The following EXOC2 variants were observed in gnomAD, a reference collection of about 807,000 sequenced individuals.
The protein encoded by EXOC2 is SEC5-like 1.
Under a neutral mutation model 131.8 loss-of-function variants are expected in EXOC2, and 70 were observed. That is an observed-to-expected ratio of 0.53 (90% CI 0.44 to 0.65). EXOC2 has a LOEUF of 0.65. Among genes scored for constraint, EXOC2 ranks in the 30% least tolerant of loss-of-function variants. The probability of loss-of-function intolerance (pLI) is 0.00; values close to 1 mark genes in which losing one functional copy is unlikely to be tolerated. For missense variants in EXOC2, 923 were observed against 1,108.6 expected, an observed-to-expected ratio of 0.83 and a Z score of 2.38; for synonymous variants, 411 against 398.4, an observed-to-expected ratio of 1.03 and a Z score of -0.38.
At chr6:658,667 T>TTTTTTTTTTATATATATATATATATA (rs1763269831) in intron 1 of EXOC2, among the ~76,000 whole-genome samples, 1 of 65,202 alleles carries the variant, frequency 1.5e-5, no homozygotes, top group Non-Finnish European at 3.4e-5. Flanking sequence ...ATATATATAT[T>TTTTTTTTTTATATATATATATATATA]TTTTTTTTTT....
At chr6:625,763 G>A (rs1761533232) in intron 4 of EXOC2, among the ~76,000 whole-genome samples, 1 of 152,026 alleles carries the variant, frequency 6.6e-6, no homozygotes, top group Admixed American at 6.5e-5. Flanking sequence ...AGAAAATCAG[G>A]TTTGCATCGC....
chr6:516,224 G>A (rs1257130790), intron 23 of EXOC2, among the ~76,000 whole-genome samples: 1 of 152,192 alleles, frequency 6.6e-6, no homozygotes, highest in Non-Finnish European at 1.5e-5. Context: ...TGTTCTAGCA[G>A]GCCATCTTTG....
chr6:681,060 G>A (rs944555067), intron 1 of EXOC2, among the ~76,000 whole-genome samples: 2 of 152,204 alleles, frequency 1.3e-5, no homozygotes, highest in African/African-American at 4.8e-5. Context: ...TGTTTCACAG[G>A]ACAGATGCCA....
chr6:621,491 C>A (rs1027138587), intron 4 of EXOC2, among the ~76,000 whole-genome samples: 2 of 152,228 alleles, frequency 1.3e-5, no homozygotes, highest in South Asian at 2.1e-4. Flanking sequence ...ATGCCTACTG[C>A]GTGAGCATCT....
chr6:617,929 C>G, intron 5 of EXOC2, 94 bp from the exon 6 acceptor site: 1 of 1,415,520 alleles, frequency 7.1e-7, no homozygotes, highest in Non-Finnish European at 9.5e-7. Flanking sequence ...TATGCTAAAA[C>G]CGATGCTAAG....
At chr6:572,344 G>C (rs1424937990) in intron 13 of EXOC2, among the ~76,000 whole-genome samples, 176 bp downstream of exon 13, 2 of 152,158 alleles carry the variant, frequency 1.3e-5, no homozygotes, top group Admixed American at 6.5e-5. Context: ...TGACTTGTTC[G>C]AGGTCACACA....
chr6:532,218 G>A (rs941336541), intron 23 of EXOC2, among the ~76,000 whole-genome samples: 4 of 152,154 alleles, frequency 2.6e-5, no homozygotes, highest in South Asian at 4.2e-4. Context: ...TTACTAAAAC[G>A]ATCAATTATT....
intron 23 of EXOC2, among the ~76,000 whole-genome samples, chr6:501,718 A>G (rs564574737): frequency 1.3e-3 from 183 of 136,456 alleles, no homozygotes; most frequent in African/African-American, 4.8e-3. Flanking sequence ...TATAAAAGAT[A>G]TATCTATCTA....
At chr6:690,232 T>C (rs1487704434) in intron 1 of EXOC2, among the ~76,000 whole-genome samples, 1 of 152,154 alleles carries the variant, frequency 6.6e-6, no homozygotes, top group African/African-American at 2.4e-5. Context: ...GGCACGCACC[T>C]ATAGTCCCAG....
intron 1 of EXOC2, among the ~76,000 whole-genome samples, chr6:655,198 C>T (rs1180308752): frequency 1.3e-5 from 2 of 152,186 alleles, no homozygotes; most frequent in African/African-American, 2.4e-5. Context: ...CCTTCAACAA[C>T]CACCACTGGA....
At chr6:681,232 T>C (rs1764389710) in intron 1 of EXOC2, among the ~76,000 whole-genome samples, 1 of 152,220 alleles carries the variant, frequency 6.6e-6, no homozygotes, top group African/African-American at 2.4e-5. Flanking sequence ...ATACAATTCA[T>C]GCTAAGGAAA....
At chr6:658,818 T>C (rs1033478201) in intron 1 of EXOC2, among the ~76,000 whole-genome samples, 2 of 151,486 alleles carry the variant, frequency 1.3e-5, no homozygotes, top group East Asian at 1.9e-4. Flanking sequence ...CCTGCCACCA[T>C]GCCCAGCTAA....
intron 1 of EXOC2, among the ~76,000 whole-genome samples, chr6:674,836 A>C (rs1464827998): frequency 6.6e-6 from 1 of 152,024 alleles, no homozygotes; most frequent in Non-Finnish European, 1.5e-5. Flanking sequence ...AGAGGTCACA[A>C]ACTACTTGCC....
intron 13 of EXOC2, among the ~76,000 whole-genome samples, chr6:569,395 C>A (rs541567318): frequency 7.2e-5 from 11 of 152,312 alleles, no homozygotes; most frequent in Admixed American, 1.3e-4. Context: ...GAAGAACTGA[C>A]TATTTTTTAA....
intron 17 of EXOC2, among the ~76,000 whole-genome samples, chr6:561,806 G>A (rs985411607): frequency 6.6e-6 from 1 of 152,176 alleles, no homozygotes; most frequent in South Asian, 2.1e-4. Flanking sequence ...GGATGGTCTC[G>A]CTCTTGACCT....
At chr6:683,220 A>G (rs1295671372) in intron 1 of EXOC2, among the ~76,000 whole-genome samples, 2 of 152,236 alleles carry the variant, frequency 1.3e-5, no homozygotes, top group Admixed American at 1.3e-4. Context: ...CATTCCAGCA[A>G]GACTGCCAGG....
In EXOC2 at chr6:497,501, TAGGA is replaced by T. The variant is rs1442328689; in HGVS notation, c.2437-16_2437-13del. The T allele has an allele frequency of 5.0e-6, 8 of 1,607,246 alleles. No individual in the cohort carries two copies. In the Admixed American group the frequency reaches 1.2e-4, roughly 24 times the overall value. On this transcript the variant is annotated splice_polypyrimidine_tract_variant and intron_variant, in intron 24 of 27. Coordinates refer to ENST00000230449, the MANE Select transcript of EXOC2 (RefSeq NM_018303.6). ...GAAATGGTGAACACCTGGTTTGAAA[TAGGA>T]AGACATGGTGCTTTGTGGGGCTTTT...
chr6:497,130 G>A (rs1023353998), intron 25 of EXOC2, among the ~76,000 whole-genome samples: 1 of 152,192 alleles, frequency 6.6e-6, no homozygotes, highest in Non-Finnish European at 1.5e-5. Flanking sequence ...GAAGGATTCT[G>A]CATTCAGATA....
intron 23 of EXOC2, among the ~76,000 whole-genome samples, chr6:526,462 CAG>C (rs1765751264): frequency 3.9e-5 from 4 of 103,138 alleles, no homozygotes; most frequent in African/African-American, 1.1e-4. Flanking sequence ...TTTTTTGAGA[CAG>C]AGTTTCGCTC....
Sources: gnomAD v4.1 joint callset for allele counts (sites outside exome capture counted in the v4.1 genomes callset) on GRCh38, gnomAD v4.1.1 for gene constraint, MANE v1.5 for transcripts, NCBI Gene and HGNC (gene_info 2026-07-23, HGNC 2026-07-21) for gene names.